The following CYP27A1 variants were observed in gnomAD, a reference collection of about 807,000 sequenced individuals.
The protein encoded by CYP27A1 is sterol 26-hydroxylase, mitochondrial.
CYP27A1 carries 46 observed loss-of-function variants against 58.2 expected under a neutral mutation model. The ratio of observed to expected loss-of-function variants is 0.79; its 90% CI spans 0.62 to 1.01. The LOEUF is 1.01. Among genes scored for constraint, CYP27A1 ranks in the 50% least tolerant of loss-of-function variants. The pLI, the probability that CYP27A1 is intolerant of heterozygous loss-of-function variation, is 0.00. For synonymous variants in CYP27A1, 274 were observed against 285.1 expected (o/e 0.96, Z 0.39); for missense variants, 704 against 687.0 (o/e 1.02, Z -0.28).
intron 1 of CYP27A1, among the ~76,000 whole-genome samples, chr2:218,786,836 C>T (rs1247614583): frequency 6.6e-6 from 1 of 151,830 alleles, no homozygotes; most frequent in Non-Finnish European, 1.5e-5. Context: ...ACTCTGTCAC[C>T]CAGGCTGGAG....
chr2:218,793,717 CTT>C (rs1221205899), intron 1 of CYP27A1, among the ~76,000 whole-genome samples: 15 of 140,746 alleles, frequency 1.1e-4, no homozygotes, highest in Non-Finnish European at 1.1e-4. Flanking sequence ...GTTTCTCTTT[CTT>C]TTTTTTTTTT....
chr2:218,812,216 C>G lies in CYP27A1; in HGVS notation c.447-6C>G. On this transcript the variant is annotated splice_polypyrimidine_tract_variant and splice_region_variant and intron_variant, in intron 2 of 8. Transcript: ENST00000258415. ...ATCTTTGTGCTGTTCCTCTGCGTCC[C>G]TGCAGGGAAGGACACCACTGGTACC... 1 of 1,613,130 alleles carries G rather than the reference C, an allele frequency of 6.2e-7. No homozygotes were observed. Among genetic ancestry groups the G allele is most frequent in the Non-Finnish European group, 8.5e-7 (1 of 1,179,216 alleles).
rs181449474 is a variant in CYP27A1, at chr2:218,788,296, C to T, written c.255+5859C>T. 2.0e-3 allele frequency among the ~76,000 whole-genome samples: 302 copies of T among 152,346 alleles called. 6 individuals carry two copies. The highest frequency in any genetic ancestry group is 4.3e-4 in the Non-Finnish European group (29 of 68,040). ...CTTACAGCATGGTGGTCTTAGAACA[C>T]TTGGACTTCTTGCATGTACTGGCTT... On this transcript the variant is annotated intron_variant, in intron 1 of 8. Transcript: ENST00000258415.
At chr2:218,793,597 T>A (rs1217175310) in intron 1 of CYP27A1, among the ~76,000 whole-genome samples, 1 of 152,182 alleles carries the variant, frequency 6.6e-6, no homozygotes, top group Non-Finnish European at 1.5e-5. Context: ...TGTATTAGTA[T>A]ATTATCATAT....
In CYP27A1 at chr2:218,814,531, A is replaced by G. The variant is rs1285698631; in HGVS notation, c.1264-14A>G. ...CGAAGAGAGGCATTCATGCTGCCCA[A>G]TCTTCCTTTATAGACCCAGTTTGTG... On this transcript the variant is annotated splice_polypyrimidine_tract_variant and intron_variant, in intron 7 of 8. Coordinates refer to ENST00000258415, the MANE Select transcript of CYP27A1 (RefSeq NM_000784.4). 5 of 1,613,944 alleles carry G rather than the reference A, an allele frequency of 3.1e-6. No homozygotes were observed. The highest frequency in any genetic ancestry group is 2.7e-5 in the African/African-American group (2 of 75,008).
In CYP27A1 at chr2:218,782,172, G is replaced by T. The variant is rs1232582554; in HGVS notation, c.-11G>T. 1.3e-6 allele frequency: 2 copies of T among 1,534,814 alleles called. No individual in the cohort carries two copies. Among genetic ancestry groups the T allele is most frequent in the East Asian group, 2.5e-5 (1 of 40,788 alleles). On this transcript the variant is annotated 5_prime_UTR_variant, in exon 1 of 9. Transcript: ENST00000258415. The surrounding 1 kb of genome is among the most constrained non-coding windows in gnomAD (Gnocchi z 4.1). ...ACTCGACCCAAAGGTGCAGGCGCGCGAGCACAACCCATGGCTGCGCTGGGC... is the reference window on the plus strand; with the variant it reads ...ACTCGACCCAAAGGTGCAGGCGCGCTAGCACAACCCATGGCTGCGCTGGGC...
intron 1 of CYP27A1, among the ~76,000 whole-genome samples, chr2:218,798,299 C>T (rs1943566051): frequency 6.6e-6 from 1 of 152,132 alleles, no homozygotes; most frequent in African/African-American, 2.4e-5. Context: ...GTTACCATGC[C>T]CAGCCTTCTT....
intron 1 of CYP27A1, among the ~76,000 whole-genome samples, chr2:218,807,839 A>ATAAG (rs1247525707): frequency 6.8e-6 from 1 of 147,036 alleles, no homozygotes; most frequent in African/African-American, 2.6e-5. Flanking sequence ...CAAACTCCTT[A>ATAAG]GCTCAAGTGA....
At chr2:218,803,375 G>T (rs763037721) in intron 1 of CYP27A1, among the ~76,000 whole-genome samples, 2 of 152,040 alleles carry the variant, frequency 1.3e-5, no homozygotes, top group Non-Finnish European at 2.9e-5. Flanking sequence ...ATTTTCTCTC[G>T]TTCTATAAGC....
At chr2:218,810,203 C>T (rs1559391685) in intron 2 of CYP27A1, among the ~76,000 whole-genome samples, 2 of 151,740 alleles carry the variant, frequency 1.3e-5, no homozygotes, top group African/African-American at 4.8e-5. Context: ...CGTTTGAACC[C>T]AGGAGGTGGA....
chr2:218,810,138 G>A (rs1206291190), intron 2 of CYP27A1, among the ~76,000 whole-genome samples: 1 of 152,056 alleles, frequency 6.6e-6, no homozygotes, highest in Non-Finnish European at 1.5e-5. Context: ...AATTAGCCAG[G>A]TGTGGTGGTG....
chr2:218,806,655 G>T (rs1943654997), intron 1 of CYP27A1, among the ~76,000 whole-genome samples: 1 of 152,224 alleles, frequency 6.6e-6, no homozygotes, highest in Admixed American at 6.5e-5. Context: ...TGGAGTAAGT[G>T]GTTCAGAGCA....
At chr2:218,804,675 T>C (rs1354003466) in intron 1 of CYP27A1, among the ~76,000 whole-genome samples, 1 of 152,218 alleles carries the variant, frequency 6.6e-6, no homozygotes, top group Non-Finnish European at 1.5e-5. Context: ...TCCATGAACA[T>C]GGATGACTTT....
chr2:218,806,663 G>A (rs1334782700), intron 1 of CYP27A1, among the ~76,000 whole-genome samples: 1 of 152,266 alleles, frequency 6.6e-6, no homozygotes, highest in Non-Finnish European at 1.5e-5. Flanking sequence ...GTGGTTCAGA[G>A]CATGGCCTCC....
intron 1 of CYP27A1, among the ~76,000 whole-genome samples, chr2:218,783,423 C>T (rs945617622): frequency 1.3e-5 from 2 of 151,962 alleles, no homozygotes; most frequent in African/African-American, 4.8e-5. Context: ...TGACAGAGAC[C>T]GGAAAACCCA....
chr2:218,792,910 A>C (rs1559387037), intron 1 of CYP27A1, among the ~76,000 whole-genome samples: 1 of 152,216 alleles, frequency 6.6e-6, no homozygotes, highest in African/African-American at 2.4e-5. Context: ...GTAGCATCCC[A>C]AAGTTAAAGG....
In CYP27A1 at chr2:218,812,730, G is replaced by A. The variant is rs1425208118; in HGVS notation, c.825G>A (p.Trp275Ter). ...LPFWKRYLDGWNAIFSFGKKL... is the reference protein window; with the variant it reads ...LPFWKRYLDG ...TCTGGAAGCGATACCTGGATGGTTGGAATGCCATCTTTTCCTTTGGTGAGG... is the reference window on the plus strand; with the variant it reads ...TCTGGAAGCGATACCTGGATGGTTGAAATGCCATCTTTTCCTTTGGTGAGG... Residue 275 changes from tryptophan to a stop codon, truncating the protein, a stop_gained, in exon 4 of 9, where the codon TGG becomes TGA. Coordinates refer to ENST00000258415, the MANE Select transcript of CYP27A1 (RefSeq NM_000784.4). LOFTEE classifies it high-confidence loss of function. The A allele has an allele frequency of 1.9e-6, 3 of 1,614,230 alleles. No homozygotes were observed. Among genetic ancestry groups the A allele is most frequent in the Non-Finnish European group, 2.5e-6 (3 of 1,180,052 alleles).
intron 2 of CYP27A1, among the ~76,000 whole-genome samples, chr2:218,811,875 G>A (rs113784256): frequency 2.8e-4 from 42 of 152,288 alleles, no homozygotes; most frequent in Middle Eastern, 3.4e-3. Flanking sequence ...TACTCAGATA[G>A]GCACTCTTAT....
At chr2:218,798,876 T>C (rs12694442) in intron 1 of CYP27A1, among the ~76,000 whole-genome samples, 77,979 of 151,750 alleles carry the variant, frequency 0.51, 20,688 homozygotes, top group African/African-American at 0.6. Context: ...GAGCGAGACT[T>C]GATCTCAAAA....
Sources: gnomAD v4.1 joint callset for allele counts (sites outside exome capture counted in the v4.1 genomes callset) on GRCh38, gnomAD v4.1.1 for gene constraint, Gnocchi (gnomAD v3.1) non-coding constraint, MANE v1.5 for transcripts, NCBI Gene and HGNC (gene_info 2026-07-23, HGNC 2026-07-21) for gene names.